Variants in JAKMIP3 observed in about 807,000 individuals in gnomAD.
The protein encoded by JAKMIP3 is janus kinase and microtubule-interacting protein 3.
JAKMIP3 carries 58 observed loss-of-function variants against 118.5 expected under a neutral mutation model. That is an observed-to-expected ratio of 0.49 (90% CI 0.40 to 0.61). The LOEUF is 0.61. JAKMIP3 is among the 20% of genes least tolerant of loss of function. The probability of loss-of-function intolerance (pLI) is 0.00; values close to 1 mark genes in which losing one functional copy is unlikely to be tolerated. For synonymous variants in JAKMIP3, 486 were observed against 451.2 expected (o/e 1.08, Z -0.98); for missense variants, 950 against 1,109.0 (o/e 0.86, Z 2.04).
At chr10:132,172,982 T>TCTCTCTCCTTCC (rs2059666235) in intron 23 of JAKMIP3, among the ~76,000 whole-genome samples, 1 of 68,798 alleles carries the variant, frequency 1.5e-5, no homozygotes, top group African/African-American at 5.4e-5. Flanking sequence ...TCTCCTTCCC[T>TCTCTCTCCTTCC]CTCTCTCTCT....
rs572571681 is a variant in JAKMIP3 at position 132,184,292 on chromosome 10, G to T, written c.*3039G>T. The T allele has an allele frequency of 3.0e-4, 46 of 152,262 alleles. No homozygotes were observed. Among genetic ancestry groups the T allele is most frequent in the African/African-American group, 1.1e-3 (44 of 41,542 alleles). 9.4% of individuals were successfully genotyped at this position (152,262 alleles called of 1,614,324 possible). On this transcript the variant is annotated 3_prime_UTR_variant, in exon 24 of 24. Transcript: ENST00000684848. ...GAATCTGTAGCCTTCAGGATACCCC[G>T]AGTGCCTTACAGGGCTTGTGAACAC...
intron 1 of JAKMIP3, among the ~76,000 whole-genome samples, chr10:132,054,655 A>AG (rs1434871631): frequency 6.6e-6 from 1 of 152,106 alleles, no homozygotes; most frequent in African/African-American, 2.4e-5. Flanking sequence ...AGATTAAGGG[A>AG]GGAGGGGGTC....
chr10:132,111,199 A>G (rs2046810526), intron 2 of JAKMIP3, among the ~76,000 whole-genome samples: 1 of 152,218 alleles, frequency 6.6e-6, no homozygotes, highest in Non-Finnish European at 1.5e-5. Context: ...CTGCCCCCAC[A>G]GGAAACATGT....
chr10:132,043,493 A>T (rs2037820709), intron 1 of JAKMIP3, among the ~76,000 whole-genome samples: 1 of 152,244 alleles, frequency 6.6e-6, no homozygotes, highest in Non-Finnish European at 1.5e-5. Flanking sequence ...AGCACCGCAG[A>T]GAATCCAGGG....
At chr10:132,174,920 C>T (rs966981972) in intron 23 of JAKMIP3, among the ~76,000 whole-genome samples, 1 of 152,154 alleles carries the variant, frequency 6.6e-6, no homozygotes, top group Non-Finnish European at 1.5e-5. Flanking sequence ...GGTGAAACAT[C>T]TGTTCAGATC....
In JAKMIP3 at chr10:132,145,566, G is replaced by C; in HGVS notation, c.1735G>C (p.Glu579Gln). The change falls in exon 13 of 24, where the codon GAG (glutamate) becomes CAG (glutamine). Residue 579 changes from glutamate (E) to glutamine (Q), a missense_variant. By Grantham distance (29) the Glu-to-Gln change is conservative. Coordinates refer to ENST00000684848, the MANE Select transcript of JAKMIP3 (RefSeq NM_001323087.2). ...GCAGGCACTGTACCGGAGAAATCAAGAGCTTGTGGAAAAGGTGAGCCCCGA... is the reference window on the plus strand; with the variant it reads ...GCAGGCACTGTACCGGAGAAATCAACAGCTTGTGGAAAAGGTGAGCCCCGA... ...EKQALYRRNQ[E>Q]LVEKIKQMET... is the part of the protein sequence containing the mutation. 1 of 1,564,220 alleles carries C rather than the reference G, an allele frequency of 6.4e-7. No homozygotes were observed. Among genetic ancestry groups the C allele is most frequent in the South Asian group, 1.2e-5 (1 of 84,670 alleles).
intron 1 of JAKMIP3, among the ~76,000 whole-genome samples, chr10:132,068,212 C>T (rs1267190122): frequency 2.1e-5 from 3 of 145,970 alleles, no homozygotes; most frequent in Non-Finnish European, 3.0e-5. Context: ...TGTGGGCTTC[C>T]GTGTGCACTG....
At chr10:132,056,810 C>T (rs1045933807) in intron 1 of JAKMIP3, among the ~76,000 whole-genome samples, 42 of 152,318 alleles carry the variant, frequency 2.8e-4, no homozygotes, top group Middle Eastern at 3.4e-3. Flanking sequence ...CACCCACACC[C>T]ACTGCAGGAG....
At chr10:132,139,111 T>TGG (rs2052568255) in intron 9 of JAKMIP3, among the ~76,000 whole-genome samples, 1 of 101,806 alleles carries the variant, frequency 9.8e-6, no homozygotes, top group Non-Finnish European at 2.1e-5. Context: ...TGTACATGTG[T>TGG]GTGTATGCAT....
intron 1 of JAKMIP3, among the ~76,000 whole-genome samples, chr10:132,046,604 G>T (rs139497394): frequency 4.7e-4 from 72 of 152,246 alleles, no homozygotes; most frequent in African/African-American, 1.6e-3. Flanking sequence ...CATCCGCCAC[G>T]GCTTATTTAT....
Position 132,043,942 on chromosome 10 carries a change from G to T in JAKMIP3, c.-138+7204G>T, listed in dbSNP as rs538756941. On this transcript the variant is annotated intron_variant, in intron 1 of 23. Transcript: ENST00000657785. ...TTGCTTTTTGAGCAATGAGATTCAA[G>T]ATCTTTCCTCTTATCCTGCTGGGCC... is the stretch of plus-strand genomic sequence containing the variant. 2.6e-5 allele frequency among the ~76,000 whole-genome samples: 4 copies of T among 152,370 alleles called. No individual in the cohort carries two copies. The East Asian group carries it at 7.7e-4, about 29-fold the overall frequency.
rs575625266 is a variant in JAKMIP3 at position 132,038,994 on chromosome 10, C to T, written c.-138+2256C>T. On this transcript the variant is annotated intron_variant, in intron 1 of 23. Coordinates refer to the JAKMIP3 transcript ENST00000657785. ...AGGCCACACCCTTCACCCAGCGGAG[C>T]CGCTCGTGAGGCCACACGGGGAACC... Among the ~76,000 whole-genome samples the T allele has an allele frequency of 2.6e-5, 4 of 152,222 alleles. No homozygotes were observed. The South Asian group carries it at 8.3e-4, about 32-fold the overall frequency.
At chr10:132,145,485 A>G in intron 12 of JAKMIP3, 33 bp from the exon 13 acceptor site, 1 of 1,533,788 alleles carries the variant, frequency 6.5e-7, no homozygotes, top group Non-Finnish European at 8.8e-7. Flanking sequence ...TTCCTCCCTC[A>G]GTGTCTTTAT....
chr10:132,167,835 G>A (rs891179710), intron 22 of JAKMIP3, 118 bp from the exon 23 acceptor site: 27 of 569,320 alleles, frequency 4.7e-5, no homozygotes, highest in Non-Finnish European at 6.5e-5. Flanking sequence ...CTCACCCCTC[G>A]GCCCTCGCCC....
intron 23 of JAKMIP3, among the ~76,000 whole-genome samples, chr10:132,180,572 T>G (rs866435571): frequency 3.4e-5 from 1 of 29,436 alleles, no homozygotes; most frequent in African/African-American, 1.9e-4. Flanking sequence ...TGTGTGCGTG[T>G]GTGTGTGCGT....
chr10:132,119,853 T>C (rs998309370), intron 3 of JAKMIP3, among the ~76,000 whole-genome samples: 1 of 152,264 alleles, frequency 6.6e-6, no homozygotes, highest in African/African-American at 2.4e-5. Flanking sequence ...ATTAACTCAT[T>C]AATTGATGAG....
chr10:132,149,270 G>T (rs2055337684), intron 14 of JAKMIP3, 142 bp from the exon 15 acceptor site: 1 of 605,278 alleles, frequency 1.7e-6, no homozygotes, highest in Non-Finnish European at 2.9e-6. Flanking sequence ...CACCACTGCT[G>T]CCGCTGCGGT....
In JAKMIP3 at chr10:132,117,661, A is replaced by C. The variant is rs376914198; in HGVS notation, c.633+87A>C. The C allele has an allele frequency of 1.6e-6, 2 of 1,220,154 alleles. No individual in the cohort carries two copies. Among genetic ancestry groups the C allele is most frequent in the Non-Finnish European group, 2.1e-6 (2 of 966,704 alleles). 75.6% of individuals were successfully genotyped at this position (1,220,154 alleles called of 1,614,324 possible). A position where few individuals can be genotyped will look rare whatever the true frequency, so the allele number is the denominator to read the frequency against. ...CAGGGGCGGGCGTGGGCGAGGGTGC[A>C]GGCGTGGGCTCGGGGAGCACGCGGG... On this transcript the variant is annotated intron_variant, in intron 3 of 23. Coordinates refer to ENST00000684848, the MANE Select transcript of JAKMIP3 (RefSeq NM_001323087.2). The surrounding 1 kb of genome is among the most constrained non-coding windows in gnomAD (Gnocchi z 8.6).
Position 132,169,565 on chromosome 10 carries a change from G to A in JAKMIP3, c.*1103+532G>A, listed in dbSNP as rs139407794. Among the ~76,000 whole-genome samples the A allele has an allele frequency of 3.5e-4, 54 of 152,182 alleles. 1 individual carries two copies. The highest frequency in any genetic ancestry group is 3.4e-3 in the Middle Eastern group (1 of 294). On this transcript the variant is annotated intron_variant, in intron 23 of 23. Transcript: ENST00000684848. ...TCCCTATGGGAGGGTTTGTGGATCC[G>A]TTGTGTCTGTGGGACTCAGCGGGGC...
Sources: gnomAD v4.1 joint callset for allele counts (sites outside exome capture counted in the v4.1 genomes callset) on GRCh38, gnomAD v4.1.1 for gene constraint, Gnocchi (gnomAD v3.1) non-coding constraint, MANE v1.5 for transcripts, NCBI Gene and HGNC (gene_info 2026-07-23, HGNC 2026-07-21) for gene names.